Variants in PPM1L observed in about 807,000 individuals in gnomAD.
PPM1L encodes the protein protein phosphatase, Mg2+/Mn2+ dependent 1L.
PPM1L carries 13 observed loss-of-function variants against 31.4 expected under a neutral mutation model. That is an observed-to-expected ratio of 0.41 (90% CI 0.27 to 0.66). The LOEUF is 0.66. Among genes scored for constraint, PPM1L ranks in the 30% least tolerant of loss-of-function variants. The pLI is 0.29. For synonymous variants in PPM1L, 184 were observed against 175.4 expected, an observed-to-expected ratio of 1.05 and a Z score of -0.39; for missense variants, 326 against 453.7, an observed-to-expected ratio of 0.72 and a Z score of 2.56.
At chr3:160,903,898 A>G (rs1713653185) in intron 1 of PPM1L, among the ~76,000 whole-genome samples, 1 of 152,154 alleles carries the variant, frequency 6.6e-6, no homozygotes, top group East Asian at 1.9e-4. Context: ...TATTGTATTT[A>G]TTTATATTGA....
chr3:161,003,416 A>G (rs1040514396), intron 2 of PPM1L, among the ~76,000 whole-genome samples: 3 of 151,894 alleles, frequency 2.0e-5, no homozygotes, highest in African/African-American at 7.3e-5. Flanking sequence ...TTGAATCTAT[A>G]AATTACCTTG....
At chr3:160,774,859 T>G (rs544819374) in intron 1 of PPM1L, among the ~76,000 whole-genome samples, 3 of 152,344 alleles carry the variant, frequency 2.0e-5, no homozygotes, top group South Asian at 2.1e-4. Flanking sequence ...GTTTTTAACT[T>G]AATTTTCCTC....
chr3:160,954,493 G>C (rs527755254), intron 1 of PPM1L, among the ~76,000 whole-genome samples: 3 of 151,908 alleles, frequency 2.0e-5, no homozygotes, highest in Non-Finnish European at 4.4e-5. Context: ...CTCCTGAGTA[G>C]CTGGGACCAC....
At chr3:160,910,246 T>TCTCCCC (rs1713915163) in intron 1 of PPM1L, among the ~76,000 whole-genome samples, 1 of 20,784 alleles carries the variant, frequency 4.8e-5, no homozygotes, top group African/African-American at 2.1e-4. Context: ...TCCCCTTTCC[T>TCTCCCC]TTCCCCTTCC....
At chr3:160,772,329 T>C (rs1026039539) in intron 1 of PPM1L, among the ~76,000 whole-genome samples, 1 of 152,150 alleles carries the variant, frequency 6.6e-6, no homozygotes, top group Non-Finnish European at 1.5e-5. Flanking sequence ...TTGGGAAATA[T>C]TGCTTAAAAG....
At chr3:160,905,158 TAATCCAAC>T (rs1713708253) in intron 1 of PPM1L, among the ~76,000 whole-genome samples, 1 of 152,230 alleles carries the variant, frequency 6.6e-6, no homozygotes, top group East Asian at 1.9e-4. Flanking sequence ...TATGATTTGC[TAATCCAAC>T]CTCATATATC....
At chr3:160,995,465 T>C (rs963224369) in intron 2 of PPM1L, among the ~76,000 whole-genome samples, 4 of 151,908 alleles carry the variant, frequency 2.6e-5, no homozygotes, top group African/African-American at 9.7e-5. Flanking sequence ...GGATTATAGG[T>C]GCCTGCCACC....
intron 2 of PPM1L, among the ~76,000 whole-genome samples, chr3:160,968,608 C>T (rs1337788023): frequency 6.6e-6 from 1 of 152,086 alleles, no homozygotes; most frequent in Non-Finnish European, 1.5e-5. Context: ...AATAAATATT[C>T]CCTACATATT....
At chr3:160,956,484 AC>A (rs757032659) in intron 1 of PPM1L, among the ~76,000 whole-genome samples, 6 of 152,208 alleles carry the variant, frequency 3.9e-5, no homozygotes, top group Admixed American at 6.5e-5. Flanking sequence ...CTGCAAGGCA[AC>A]CTTTAATTCA....
intron 1 of PPM1L, among the ~76,000 whole-genome samples, chr3:160,908,668 G>T (rs1311087118): frequency 6.6e-6 from 1 of 152,152 alleles, no homozygotes; most frequent in Non-Finnish European, 1.5e-5. Context: ...TAGGCGTATG[G>T]TGATTACCAA....
At chr3:161,012,377 CATGGTGGAT>C (rs1247999674) in intron 2 of PPM1L, among the ~76,000 whole-genome samples, 48 of 152,254 alleles carry the variant, frequency 3.2e-4, no homozygotes, top group African/African-American at 1.1e-3. Flanking sequence ...CCCACTTGAT[CATGGTGGAT>C]AAGCTTTTTG....
chr3:161,046,813 A>T (rs1719096073), intron 2 of PPM1L, among the ~76,000 whole-genome samples: 1 of 152,252 alleles, frequency 6.6e-6, no homozygotes, highest in South Asian at 2.1e-4. Context: ...GTAATCCAGC[A>T]TATAAACAGA....
intron 2 of PPM1L, among the ~76,000 whole-genome samples, chr3:161,054,858 A>G (rs547223361): frequency 6.6e-6 from 1 of 152,210 alleles, no homozygotes; most frequent in South Asian, 2.1e-4. Flanking sequence ...GTCCTTCCAT[A>G]TAGATAGATC....
At chr3:160,974,219 G>C (rs1357244330) in intron 2 of PPM1L, among the ~76,000 whole-genome samples, 2 of 151,502 alleles carry the variant, frequency 1.3e-5, no homozygotes, top group Non-Finnish European at 2.9e-5. Flanking sequence ...TTTTATGGCT[G>C]CATAGTATTC....
At chr3:160,987,272 C>T (rs1576764085) in intron 2 of PPM1L, among the ~76,000 whole-genome samples, 1 of 152,154 alleles carries the variant, frequency 6.6e-6, no homozygotes, top group Middle Eastern at 3.4e-3. Context: ...GTTAAGAAGC[C>T]CAAGGCCATT....
At chr3:160,787,920 T>C (rs956616771) in intron 1 of PPM1L, among the ~76,000 whole-genome samples, 17 of 152,036 alleles carry the variant, frequency 1.1e-4, no homozygotes, top group African/African-American at 4.1e-4. Flanking sequence ...CATGAGATGG[T>C]TATAGGTGTG....
intron 2 of PPM1L, among the ~76,000 whole-genome samples, chr3:160,987,155 C>T (rs1716989850): frequency 6.6e-6 from 1 of 152,148 alleles, no homozygotes; most frequent in Admixed American, 6.6e-5. Flanking sequence ...AGTAGTGTAG[C>T]AGTGGGCCAC....
At chr3:160,987,967 A>C (rs1205697681) in intron 2 of PPM1L, among the ~76,000 whole-genome samples, 1 of 152,198 alleles carries the variant, frequency 6.6e-6, no homozygotes, top group African/African-American at 2.4e-5. Flanking sequence ...GGCCAGGCTT[A>C]TATGGCGGAA....
At chr3:160,821,764 T>G (rs1233218821) in intron 1 of PPM1L, among the ~76,000 whole-genome samples, 2 of 152,022 alleles carry the variant, frequency 1.3e-5, no homozygotes, top group African/African-American at 4.8e-5. Context: ...GTGGACTTCT[T>G]TATCTTTAAT....
Sources: allele counts gnomAD v4.1 joint callset (sites outside exome capture counted in the v4.1 genomes callset), GRCh38; gene constraint gnomAD v4.1.1; transcripts MANE v1.5; gene names NCBI Gene and HGNC (gene_info 2026-07-23, HGNC 2026-07-21).